ARHGAP19: variants seen among roughly 807,000 people sequenced by gnomAD.
ARHGAP19 encodes the protein Rho GTPase activating protein 19.
A neutral mutation model predicts 60.9 loss-of-function variants in ARHGAP19; 48 were observed. The ratio of observed to expected loss-of-function variants is 0.79; its 90% CI spans 0.62 to 1.00. The LOEUF is 1.00. Among genes scored for constraint, ARHGAP19 ranks in the 50% least tolerant of loss-of-function variants. The pLI, the probability that ARHGAP19 is intolerant of heterozygous loss-of-function variation, is 0.00. For synonymous variants in ARHGAP19, 209 were observed against 215.5 expected (o/e 0.97, Z 0.27); for missense variants, 562 against 597.2 (o/e 0.94, Z 0.61).
chr10:97,241,438 G>A (rs917602201), intron 8 of ARHGAP19, among the ~76,000 whole-genome samples: 3 of 149,984 alleles, frequency 2.0e-5, no homozygotes, highest in African/African-American at 7.4e-5. Context: ...AGGATGGCCA[G>A]GTGCGGTGGC....
In ARHGAP19 at chr10:97,229,886, A is replaced by G; in HGVS notation, c.1285-12T>C. ...CCCAGGACCTTCCGCTGATTTAAGA[A>G]CAGAAAACATTTGATTTATAAACAC... On this transcript the variant is annotated splice_polypyrimidine_tract_variant and intron_variant, in intron 9 of 11. Coordinates refer to ENST00000358531, the MANE Select transcript of ARHGAP19 (RefSeq NM_032900.6). 6.4e-7 allele frequency: 1 copy of G among 1,564,670 alleles called. No homozygotes were observed. Among genetic ancestry groups the G allele is most frequent in the South Asian group, 1.1e-5 (1 of 88,260 alleles).
intron 6 of ARHGAP19, among the ~76,000 whole-genome samples, chr10:97,251,376 TGGAAGGGAAGGGGAAGGGAAGG>T (rs761400269): frequency 6.3e-3 from 12 of 1,918 alleles, no homozygotes; most frequent in East Asian, 0.017. Context: ...GGAAGGGGAA[TGGAAGGGAAGGGGAAGGGAAGG>T]GGAAGGGAAG....
At chr10:97,228,753 A>C (rs542010648) in intron 11 of ARHGAP19, among the ~76,000 whole-genome samples, 24 of 152,214 alleles carry the variant, frequency 1.6e-4, no homozygotes, top group Non-Finnish European at 2.6e-4. Context: ...AAGCTTCACT[A>C]ATTAGGGCTG....
chr10:97,235,052 C>A (rs1375844930), intron 9 of ARHGAP19, among the ~76,000 whole-genome samples, 165 bp downstream of exon 9: 1 of 152,186 alleles, frequency 6.6e-6, no homozygotes, highest in African/African-American at 2.4e-5. Context: ...CACAGCAAAG[C>A]ACTTTGCAAT....
At chr10:97,259,798 T>A (rs1185752785) in intron 4 of ARHGAP19, among the ~76,000 whole-genome samples, 170 bp from the exon 5 acceptor site, 1 of 150,524 alleles carries the variant, frequency 6.6e-6, no homozygotes, top group African/African-American at 2.4e-5. Flanking sequence ...ATAATGTCAA[T>A]GCAATTCAAC....
At chr10:97,286,123 A>G (rs1471850690) in intron 1 of ARHGAP19, among the ~76,000 whole-genome samples, 1 of 152,224 alleles carries the variant, frequency 6.6e-6, no homozygotes, top group Non-Finnish European at 1.5e-5. Flanking sequence ...TCTACTCCTC[A>G]TTACCCTTCA....
chr10:97,246,240 T>C, intron 7 of ARHGAP19, 32 bp downstream of exon 7: 1 of 1,575,480 alleles, frequency 6.3e-7, no homozygotes, highest in Non-Finnish European at 8.7e-7. Flanking sequence ...ATGCTCTCCT[T>C]GTTTGGGTTA....
chr10:97,292,218 C>G (rs1012426201), intron 1 of ARHGAP19, among the ~76,000 whole-genome samples: 2 of 152,234 alleles, frequency 1.3e-5, no homozygotes, highest in African/African-American at 4.8e-5. Context: ...AGATGTGAAG[C>G]GCTGTGTGCA....
rs781601284 is a variant in ARHGAP19 at position 97,229,231 on chromosome 10, A to G, written c.1396-6T>C. The G allele has an allele frequency of 2.7e-5, 43 of 1,610,752 alleles. No individual in the cohort carries two copies. Among genetic ancestry groups the G allele is most frequent in the Non-Finnish European group, 3.4e-5 (40 of 1,176,966 alleles). On this transcript the variant is annotated splice_region_variant and splice_polypyrimidine_tract_variant and intron_variant, in intron 10 of 11. Transcript: ENST00000358531. The stretch of plus-strand genomic sequence containing the variant: ...GCTGGAGAGCCAGAAAATAACTGTA[A>G]TAAGAAAATTGTACAGTGGTTTCAA...
At chr10:97,258,798 C>T (rs1309851247) in intron 5 of ARHGAP19, 1 of 151,998 alleles carries the variant, frequency 6.6e-6, no homozygotes, top group African/African-American at 2.4e-5. Context: ...GAATTTATTT[C>T]TCTGTGTTTT....
chr10:97,238,082 A>G (rs1340426010), intron 8 of ARHGAP19, among the ~76,000 whole-genome samples: 2 of 152,198 alleles, frequency 1.3e-5, no homozygotes, highest in African/African-American at 4.8e-5. Flanking sequence ...AGGAGATGAC[A>G]GCTCCATGAG....
At chr10:97,288,506 G>C (rs143684407) in intron 1 of ARHGAP19, among the ~76,000 whole-genome samples, 1 of 151,446 alleles carries the variant, frequency 6.6e-6, no homozygotes, top group Non-Finnish European at 1.5e-5. Flanking sequence ...CTTGAACTCG[G>C]GGGGGCAGAG....
chr10:97,255,486 A>G (rs1589460381), intron 6 of ARHGAP19, among the ~76,000 whole-genome samples: 1 of 152,112 alleles, frequency 6.6e-6, no homozygotes, highest in Non-Finnish European at 1.5e-5. Context: ...CTGAGGCGGG[A>G]GCATCACTTG....
intron 1 of ARHGAP19, among the ~76,000 whole-genome samples, chr10:97,285,431 C>A (rs931527689): frequency 6.6e-6 from 1 of 150,916 alleles, no homozygotes; most frequent in African/African-American, 2.4e-5. Flanking sequence ...CTCTTGAGCT[C>A]AAGTGATCCT....
chr10:97,270,843 A>C (rs1197142370), intron 1 of ARHGAP19, among the ~76,000 whole-genome samples: 1 of 152,264 alleles, frequency 6.6e-6, no homozygotes, highest in Non-Finnish European at 1.5e-5. Context: ...CCAGTTAATT[A>C]ACTGTATTTG....
At chr10:97,259,980 C>T (rs1383672193) in intron 4 of ARHGAP19, among the ~76,000 whole-genome samples, 1 of 151,824 alleles carries the variant, frequency 6.6e-6, no homozygotes, top group Non-Finnish European at 1.5e-5. Context: ...GGACTATAGG[C>T]ACCCGCCACC....
At chr10:97,246,659 C>T (rs1002228484) in intron 6 of ARHGAP19, among the ~76,000 whole-genome samples, 1 of 152,130 alleles carries the variant, frequency 6.6e-6, no homozygotes, top group Non-Finnish European at 1.5e-5. Flanking sequence ...CTAACAAAAA[C>T]CACCCCCTCA....
intron 6 of ARHGAP19, among the ~76,000 whole-genome samples, chr10:97,246,733 T>C (rs1404314175): frequency 2.0e-5 from 3 of 152,148 alleles, no homozygotes; most frequent in African/African-American, 7.2e-5. Flanking sequence ...GAAAATATCA[T>C]TTAATGTCTG....
At chr10:97,256,896 C>A (rs890829087) in intron 5 of ARHGAP19, among the ~76,000 whole-genome samples, 1 of 151,864 alleles carries the variant, frequency 6.6e-6, no homozygotes, top group East Asian at 1.9e-4. Context: ...CCAAGGCGGG[C>A]AGATCACGAG....
Sources: allele counts gnomAD v4.1 joint callset (sites outside exome capture counted in the v4.1 genomes callset), GRCh38; gene constraint gnomAD v4.1.1; transcripts MANE v1.5; gene names NCBI Gene and HGNC (gene_info 2026-07-23, HGNC 2026-07-21).